The following ESF1 variants were observed in gnomAD, a reference collection of about 807,000 sequenced individuals.
ESF1 encodes ESF1 nucleolar pre-rRNA processing protein.
ESF1 carries 58 observed loss-of-function variants against 92.0 expected under a neutral mutation model. The ratio of observed to expected loss-of-function variants is 0.63; its 90% confidence interval spans 0.51 to 0.78. ESF1 has a LOEUF of 0.78. Ranked by LOEUF, ESF1 falls within the 30% of genes least tolerant of loss-of-function variation. ESF1 has a pLI of 0.00. For missense variants in ESF1, 922 were observed against 989.1 expected (o/e 0.93, Z 0.91); for synonymous variants, 321 against 313.7 (o/e 1.02, Z -0.24).
chr20:13,778,825 T>C (rs1172073667), intron 2 of ESF1, among the ~76,000 whole-genome samples: 1 of 152,050 alleles, frequency 6.6e-6, no homozygotes, highest in Non-Finnish European at 1.5e-5. Flanking sequence ...GATGGGAGGA[T>C]CTTGAGCCCA....
At chr20:13,740,031 C>T (rs1197288969) in intron 9 of ESF1, among the ~76,000 whole-genome samples, 1 of 152,138 alleles carries the variant, frequency 6.6e-6, no homozygotes, top group Non-Finnish European at 1.5e-5. Flanking sequence ...AGTAAAAATA[C>T]ATTTTTCCCC....
intron 10 of ESF1, among the ~76,000 whole-genome samples, chr20:13,731,144 C>A (rs1600269875): frequency 6.6e-6 from 1 of 152,104 alleles, no homozygotes; most frequent in Admixed American, 6.6e-5. Context: ...AAGCTCCCAG[C>A]AAATGAAAAT....
rs767059299 is a variant in ESF1 at position 13,782,984 on chromosome 20, C to T, written c.157G>A (p.Val53Met). 27 of 1,614,000 alleles carry T rather than the reference C, an allele frequency of 1.7e-5. No homozygotes were observed. Among genetic ancestry groups the T allele is most frequent in the African/African-American group, 5.3e-5 (4 of 74,920 alleles). Residue 53 changes from valine (V) to methionine (M), a missense_variant, in exon 2 of 14, where the codon GTG becomes ATG. Transcript: ENST00000617257. ...CTAATGGGGCGCCCTCTTTTATCCA[C>T]GGCATAGTTCAACTTGAACTTCTTG... ...HDKKFKLNYA[V>M]DKRGRPISHS...
chr20:13,739,410 T>G (rs1463471132), intron 9 of ESF1, among the ~76,000 whole-genome samples: 3 of 152,178 alleles, frequency 2.0e-5, no homozygotes, highest in Non-Finnish European at 2.9e-5. Flanking sequence ...CAAAACAACA[T>G]TTGGGCCTCA....
Position 13,719,250 on chromosome 20 carries a change from A to G in ESF1, c.2039-266T>C, listed in dbSNP as rs552256962. ...TAATTTACATTACCAATTAAAAAAG[A>G]AAAACCATAGATCATTTCCACAGAT... On this transcript the variant is annotated intron_variant, in intron 11 of 13. Coordinates refer to ENST00000617257, the MANE Select transcript of ESF1 (RefSeq NM_001276380.2). Among the ~76,000 whole-genome samples the G allele has an allele frequency of 5.9e-5, 9 of 152,304 alleles. No individual in the cohort carries two copies. The East Asian group carries it at 1.5e-3, about 26-fold the overall frequency.
intron 11 of ESF1, among the ~76,000 whole-genome samples, chr20:13,724,656 A>G (rs2049889564): frequency 6.6e-6 from 1 of 152,238 alleles, no homozygotes; most frequent in South Asian, 2.1e-4. Context: ...CATATACATG[A>G]TATATATCTA....
Position 13,769,967 on chromosome 20 carries a change from TTC to T in ESF1, c.1456_1457del (p.Glu486SerfsTer7). 1 of 1,612,490 alleles carries T rather than the reference TTC, an allele frequency of 6.2e-7. No homozygotes were observed. The highest frequency in any genetic ancestry group is 8.5e-7 in the Non-Finnish European group (1 of 1,179,768). On this transcript the variant is annotated frameshift_variant, in exon 7 of 14. Coordinates refer to ENST00000617257, the MANE Select transcript of ESF1 (RefSeq NM_001276380.2). LOFTEE classifies it high-confidence loss of function. ...FDDEPKDVASEVNLTAYKPKY... is the reference protein window; with the variant it reads ...FDDEPKDVASXVNLTAYKPKY... ...TTGGTTTATATGCTGTTAAATTCAC[TTC>T]TGAGGCTACATCCTTAGGCTCATCA...
In ESF1 at chr20:13,778,232, G is replaced by A. The variant is rs1242746304; in HGVS notation, c.638-1962C>T. On this transcript the variant is annotated intron_variant, in intron 2 of 13. Coordinates refer to ENST00000617257, the MANE Select transcript of ESF1 (RefSeq NM_001276380.2). ...TATGTTACCACCACAACGAAGCAGG[G>A]ATTAATAAAAATAACTAGCCAATAG... Among the ~76,000 whole-genome samples, 5 of 152,076 alleles carry A rather than the reference G, an allele frequency of 3.3e-5. No individual in the cohort carries two copies. The South Asian group carries it at 6.2e-4, about 19-fold the overall frequency.
intron 8 of ESF1, among the ~76,000 whole-genome samples, chr20:13,766,218 C>G (rs186189622): frequency 6.6e-6 from 1 of 152,080 alleles, no homozygotes; most frequent in African/African-American, 2.4e-5. Context: ...AACATAATGG[C>G]TAAGAATATT....
chr20:13,733,704 A>G lies in ESF1; in HGVS notation c.1950+17T>C, dbSNP rs568674648. 1 of 1,607,318 alleles carries G rather than the reference A, an allele frequency of 6.2e-7. No homozygotes were observed. Among genetic ancestry groups the G allele is most frequent in the Non-Finnish European group, 8.5e-7 (1 of 1,177,850 alleles). ...GTTGGTATTCAACAAACATTTGGTCATAATTATCAATGATACCTTCTGTTT... is the reference window on the plus strand; with the variant it reads ...GTTGGTATTCAACAAACATTTGGTCGTAATTATCAATGATACCTTCTGTTT... On this transcript the variant is annotated intron_variant, in intron 10 of 13. Coordinates refer to ENST00000617257, the MANE Select transcript of ESF1 (RefSeq NM_001276380.2).
intron 9 of ESF1, among the ~76,000 whole-genome samples, chr20:13,746,916 TAA>T (rs775398135): frequency 6.6e-6 from 1 of 152,188 alleles, no homozygotes; most frequent in Admixed American, 6.5e-5. Flanking sequence ...CCTCTACTTT[TAA>T]AAAGACTTTC....
chr20:13,766,608 T>C (rs1979436408), intron 8 of ESF1, among the ~76,000 whole-genome samples, 169 bp downstream of exon 8: 1 of 152,174 alleles, frequency 6.6e-6, no homozygotes, highest in Admixed American at 6.5e-5. Flanking sequence ...ATATTTATAG[T>C]TAAAGAAATT....
intron 11 of ESF1, among the ~76,000 whole-genome samples, chr20:13,721,388 G>A (rs6514441): frequency 0.32 from 49,265 of 152,024 alleles, 8,306 homozygotes; most frequent in Middle Eastern, 0.48. Context: ...ATACCTTCAC[G>A]TTGGGAAAGA....
At chr20:13,759,401 T>A (rs2147760849) in intron 9 of ESF1, among the ~76,000 whole-genome samples, 1 of 152,304 alleles carries the variant, frequency 6.6e-6, no homozygotes, top group South Asian at 2.1e-4. Context: ...GTAATAACTT[T>A]AGAACACGTG....
intron 5 of ESF1, among the ~76,000 whole-genome samples, chr20:13,771,696 T>A (rs1979690676): frequency 6.6e-6 from 1 of 152,272 alleles, no homozygotes; most frequent in Admixed American, 6.5e-5. Flanking sequence ...GAATTTGGTA[T>A]CTAGGAAAGG....
At chr20:13,750,732 G>A (rs1408587181) in intron 9 of ESF1, among the ~76,000 whole-genome samples, 4 of 152,120 alleles carry the variant, frequency 2.6e-5, no homozygotes, top group South Asian at 2.1e-4. Flanking sequence ...CAATTCCAGC[G>A]CTTTGGGAGG....
intron 11 of ESF1, among the ~76,000 whole-genome samples, chr20:13,722,501 G>A (rs1478029071): frequency 6.6e-6 from 1 of 152,130 alleles, no homozygotes; most frequent in Non-Finnish European, 1.5e-5. Context: ...GGAAATGAAA[G>A]TTTGTGTTCT....
At chr20:13,745,095 A>G (rs2050039389) in intron 9 of ESF1, among the ~76,000 whole-genome samples, 1 of 152,224 alleles carries the variant, frequency 6.6e-6, no homozygotes, top group Non-Finnish European at 1.5e-5. Context: ...CAAAAATGAA[A>G]AAGCCTGATA....
At chr20:13,724,297 A>C (rs2049886915) in intron 11 of ESF1, among the ~76,000 whole-genome samples, 1 of 150,990 alleles carries the variant, frequency 6.6e-6, no homozygotes, top group Non-Finnish European at 1.5e-5. Context: ...TCCGTCTCAA[A>C]AAAATAAATA....
Sources: allele counts gnomAD v4.1 joint callset (sites outside exome capture counted in the v4.1 genomes callset), GRCh38; gene constraint gnomAD v4.1.1; transcripts MANE v1.5; gene names NCBI Gene and HGNC (gene_info 2026-07-23, HGNC 2026-07-21).